The following ESRRG variants were observed in gnomAD, a reference collection of about 807,000 sequenced individuals.
The protein encoded by ESRRG is estrogen-related receptor gamma.
A neutral mutation model predicts 44.0 loss-of-function variants in ESRRG; 13 were observed. The observed-to-expected ratio is 0.30, with a 90% CI of 0.19 to 0.47. ESRRG has a LOEUF of 0.47. Among genes scored for constraint, ESRRG ranks in the 20% least tolerant of loss-of-function variants. ESRRG has a pLI of 1.00. For missense variants in ESRRG, 395 were observed against 580.6 expected, an observed-to-expected ratio of 0.68 and a Z score of 3.29; for synonymous variants, 215 against 214.6, an observed-to-expected ratio of 1.00 and a Z score of -0.02.
rs1348384282 is a variant in ESRRG at position 216,604,682 on chromosome 1, A to G, written c.590-36584T>C. Among the ~76,000 whole-genome samples, 5 of 152,330 alleles carry G rather than the reference A, an allele frequency of 3.3e-5. No individual in the cohort carries two copies. The East Asian group carries it at 7.7e-4, about 24-fold the overall frequency. On this transcript the variant is annotated intron_variant, in intron 3 of 6. Transcript: ENST00000408911. Reference sequence around the variant, plus strand: ...CCATAAAAGTGCATCCTATGACATTAGAATGGGATTGGGTCACTTTCTTGA... The same window carrying G: ...CCATAAAAGTGCATCCTATGACATTGGAATGGGATTGGGTCACTTTCTTGA...
At chr1:216,520,402 T>C (rs2045728833) in intron 5 of ESRRG, among the ~76,000 whole-genome samples, 1 of 152,110 alleles carries the variant, frequency 6.6e-6, no homozygotes, top group South Asian at 2.1e-4. Flanking sequence ...CTGGGATGCA[T>C]TCATACACGC....
chr1:216,670,543 G>A (rs1054251143), intron 2 of ESRRG, among the ~76,000 whole-genome samples: 3 of 152,182 alleles, frequency 2.0e-5, no homozygotes, highest in Non-Finnish European at 4.4e-5. Context: ...CCCAGCTGGA[G>A]CCGTCCCCTG....
intron 2 of ESRRG, among the ~76,000 whole-genome samples, chr1:216,739,050 C>A (rs12077706): frequency 0.063 from 9,608 of 152,036 alleles, 376 homozygotes; most frequent in African/African-American, 0.094. Context: ...TACCTTGGAG[C>A]GGAGGTCAGG....
At chr1:216,800,339 A>G (rs1472948702) in intron 2 of ESRRG, among the ~76,000 whole-genome samples, 1 of 152,176 alleles carries the variant, frequency 6.6e-6, no homozygotes, top group African/African-American at 2.4e-5. Flanking sequence ...GTGCCACTGT[A>G]CACTGAAAAA....
intron 2 of ESRRG, among the ~76,000 whole-genome samples, chr1:216,744,644 G>T (rs1197571134): frequency 6.6e-6 from 1 of 152,188 alleles, no homozygotes. Context: ...AGGACTTATA[G>T]AGGTTATTTC....
At chr1:216,668,707 A>AAC (rs530596718) in intron 2 of ESRRG, among the ~76,000 whole-genome samples, 2 of 151,798 alleles carry the variant, frequency 1.3e-5, no homozygotes, top group African/African-American at 2.4e-5. Context: ...TTAGCTAGCC[A>AAC]ACACACACAC....
intron 1 of ESRRG, among the ~76,000 whole-genome samples, chr1:216,701,269 C>T (rs961245213): frequency 1.3e-5 from 2 of 152,136 alleles, no homozygotes; most frequent in African/African-American, 4.8e-5. Context: ...TCATAGTCTG[C>T]ACCACACTAT....
intron 1 of ESRRG, among the ~76,000 whole-genome samples, chr1:217,030,903 C>T (rs2081973564): frequency 1.3e-5 from 2 of 152,140 alleles, no homozygotes; most frequent in South Asian, 4.1e-4. Context: ...CACCAGTGCC[C>T]AGCTGGCTCA....
At chr1:217,090,914 G>A (rs138863707), upstream of ESRRG, among the ~76,000 whole-genome samples, 3 of 152,292 alleles carry the variant, frequency 2.0e-5, no homozygotes, top group East Asian at 5.8e-4. Flanking sequence ...AATCCTTAAC[G>A]TTTACTTCTG....
chr1:217,126,903 T>C (rs1393455830), intron 1 of ESRRG, among the ~76,000 whole-genome samples: 1 of 152,182 alleles, frequency 6.6e-6, no homozygotes, highest in Non-Finnish European at 1.5e-5. Flanking sequence ...AGACATTGGA[T>C]TGATTGTTTC....
At chr1:216,604,396 C>T (rs1170088161) in intron 3 of ESRRG, among the ~76,000 whole-genome samples, 4 of 152,124 alleles carry the variant, frequency 2.6e-5, no homozygotes, top group African/African-American at 9.7e-5. Context: ...GAGAGTGTCA[C>T]AGAAAGCTAG....
Position 216,585,756 on chromosome 1 carries a change from T to C in ESRRG, c.590-17658A>G, listed in dbSNP as rs184301538. On this transcript the variant is annotated intron_variant, in intron 3 of 6. Transcript: ENST00000408911. ...TTCCAATAAAAAGTACATTAAAATA[T>C]AGCTAAATTTTATATTTAAAAAGTT... 3.9e-3 allele frequency among the ~76,000 whole-genome samples: 600 copies of C among 152,310 alleles called. 1 individual carries two copies. The highest frequency in any genetic ancestry group is 7.1e-3 in the Non-Finnish European group (481 of 68,026).
intron 5 of ESRRG, among the ~76,000 whole-genome samples, chr1:216,527,317 T>C (rs2047960909): frequency 6.6e-6 from 1 of 152,156 alleles, no homozygotes. Context: ...TTTAACAGCA[T>C]CCTTACCAAA....
At chr1:217,131,782 C>T (rs573131094) in intron 1 of ESRRG, among the ~76,000 whole-genome samples, 13 of 152,224 alleles carry the variant, frequency 8.5e-5, no homozygotes, top group Admixed American at 4.6e-4. Flanking sequence ...ATTGGTGAGA[C>T]CTAATAGAAA....
At chr1:216,705,574 A>G (rs890536033) in intron 1 of ESRRG, among the ~76,000 whole-genome samples, 8 of 152,230 alleles carry the variant, frequency 5.3e-5, no homozygotes, top group Non-Finnish European at 1.0e-4. Flanking sequence ...AGCATTATCT[A>G]AATCTAGATA....
At chr1:216,591,972 C>A (rs1008713817) in intron 3 of ESRRG, among the ~76,000 whole-genome samples, 7 of 149,424 alleles carry the variant, frequency 4.7e-5, no homozygotes, top group African/African-American at 1.8e-4. Flanking sequence ...TGGTAGATAC[C>A]CCCAGTCAAG....
intron 1 of ESRRG, among the ~76,000 whole-genome samples, chr1:217,045,718 T>C (rs978272488): frequency 6.6e-6 from 1 of 152,128 alleles, no homozygotes; most frequent in Admixed American, 6.5e-5. Context: ...TCGTTTTTTT[T>C]TCATTTGATC....
chr1:216,838,839 G>A (rs2095607934), intron 2 of ESRRG, among the ~76,000 whole-genome samples: 1 of 152,188 alleles, frequency 6.6e-6, no homozygotes, highest in African/African-American at 2.4e-5. Context: ...ACTAAGGAAT[G>A]CTAATGGTCA....
intron 1 of ESRRG, among the ~76,000 whole-genome samples, chr1:216,991,824 A>T (rs2075758742): frequency 6.6e-6 from 1 of 152,200 alleles, no homozygotes; most frequent in Non-Finnish European, 1.5e-5. Context: ...TACATTCTGC[A>T]AATAAGCATG....
Sources: gnomAD v4.1 joint callset for allele counts (sites outside exome capture counted in the v4.1 genomes callset) on GRCh38, gnomAD v4.1.1 for gene constraint, MANE v1.5 for transcripts, NCBI Gene and HGNC (gene_info 2026-07-23, HGNC 2026-07-21) for gene names.